RNF144A: variants seen among roughly 807,000 people sequenced by gnomAD.
The protein encoded by RNF144A is ring finger protein 144A.
RNF144A carries 11 observed loss-of-function variants against 38.7 expected under a neutral mutation model. The observed-to-expected ratio is 0.28, with a 90% CI of 0.18 to 0.47. The LOEUF is 0.47. RNF144A is among the 20% of genes least tolerant of loss of function. The pLI is 0.99. For missense variants in RNF144A, 316 were observed against 377.2 expected, an observed-to-expected ratio of 0.84 and a Z score of 1.34; for synonymous variants, 149 against 143.9, an observed-to-expected ratio of 1.04 and a Z score of -0.25.
the RNF144A span, among the ~76,000 whole-genome samples, chr2:7,073,576 A>G: frequency 2.0e-5 from 3 of 152,198 alleles, no homozygotes; most frequent in Non-Finnish European, 4.4e-5. Flanking sequence ...ATGTCTGGCA[A>G]TCTTAGCCTA....
chr2:7,074,957 A>AT, the RNF144A span, among the ~76,000 whole-genome samples: 1 of 152,180 alleles, frequency 6.6e-6, no homozygotes, highest in Non-Finnish European at 1.5e-5. Flanking sequence ...TGACTTGAAA[A>AT]TTTTTAAGTG....
chr2:6,961,333 A>T (rs1338711283), intron 2 of RNF144A, among the ~76,000 whole-genome samples: 1 of 152,132 alleles, frequency 6.6e-6, no homozygotes, highest in African/African-American at 2.4e-5. Flanking sequence ...CAGGAAAAAA[A>T]ATTATTTTCT....
chr2:6,920,914 C>T (rs1664501390), intron 1 of RNF144A, among the ~76,000 whole-genome samples: 2 of 152,196 alleles, frequency 1.3e-5, no homozygotes, highest in African/African-American at 4.8e-5. Context: ...GCGTCTTAAC[C>T]TCCCTGGATG....
chr2:6,991,523 A>T (rs757961362), intron 2 of RNF144A, among the ~76,000 whole-genome samples: 5 of 152,194 alleles, frequency 3.3e-5, no homozygotes, highest in African/African-American at 2.4e-5. Context: ...GCTGATGAGG[A>T]TATACAGAGG....
At chr2:6,984,161 T>C (rs1303614363) in intron 2 of RNF144A, among the ~76,000 whole-genome samples, 1 of 152,210 alleles carries the variant, frequency 6.6e-6, no homozygotes, top group Non-Finnish European at 1.5e-5. Context: ...TCACAAGCTG[T>C]GTATCTTACC....
chr2:7,019,591 C>A (rs1349734899), intron 5 of RNF144A, among the ~76,000 whole-genome samples: 1 of 152,216 alleles, frequency 6.6e-6, no homozygotes, highest in African/African-American at 2.4e-5. Flanking sequence ...TTGCACTGGC[C>A]TGGGAGAGCT....
chr2:6,926,386 G>T (rs1238349361), intron 1 of RNF144A, among the ~76,000 whole-genome samples: 1 of 152,242 alleles, frequency 6.6e-6, no homozygotes, highest in East Asian at 1.9e-4. Context: ...GGTGGTCCTG[G>T]AGGACTGGAC....
At chr2:7,061,841 G>C (rs897844484) in intron 6 of RNF144A, among the ~76,000 whole-genome samples, 9 of 152,188 alleles carry the variant, frequency 5.9e-5, no homozygotes, top group African/African-American at 1.9e-4. Context: ...TTATATGATA[G>C]ACATTACCTA....
At chr2:7,059,722 TGAC>T (rs1455185949) in intron 6 of RNF144A, among the ~76,000 whole-genome samples, 1 of 152,210 alleles carries the variant, frequency 6.6e-6, no homozygotes, top group South Asian at 2.1e-4. Context: ...ACTCTAATGA[TGAC>T]AGATGCTGAG....
At chr2:6,996,752 CA>C (rs3836203) in intron 2 of RNF144A, 163 bp from the exon 3 acceptor site, 12 of 660,088 alleles carry the variant, frequency 1.8e-5, no homozygotes, top group Non-Finnish European at 2.5e-5. Flanking sequence ...GACTCCATCT[CA>C]AAAAAAACCA....
At chr2:7,047,925 C>G (rs1299802120), downstream of RNF144A, among the ~76,000 whole-genome samples, 4 of 152,188 alleles carry the variant, frequency 2.6e-5, no homozygotes, top group Non-Finnish European at 5.9e-5. Context: ...CCCAAGTCTG[C>G]CCTGCGGGGA....
Position 7,024,585 on chromosome 2 carries a change from A to G in RNF144A, c.657+69A>G, listed in dbSNP as rs551889090. The G allele has an allele frequency of 1.1e-4, 164 of 1,539,756 alleles. 3 individuals carry two copies. The South Asian group carries it at 1.8e-3, about 17-fold the overall frequency. ...GGTTTAGATTTGGAATGAGAAAAAT[A>G]GACCAGCTGTTTCCTAAAGAGCTTG... On this transcript the variant is annotated intron_variant, in intron 7 of 8. Coordinates refer to ENST00000320892, the MANE Select transcript of RNF144A (RefSeq NM_014746.6).
chr2:6,972,333 T>C (rs1350899740), intron 2 of RNF144A, among the ~76,000 whole-genome samples: 1 of 152,228 alleles, frequency 6.6e-6, no homozygotes, highest in Non-Finnish European at 1.5e-5. Context: ...GGAGATAACT[T>C]TCCTCCTAGC....
At chr2:6,981,192 C>G (rs1668612145) in intron 2 of RNF144A, among the ~76,000 whole-genome samples, 1 of 152,160 alleles carries the variant, frequency 6.6e-6, no homozygotes, top group Non-Finnish European at 1.5e-5. Flanking sequence ...GAGACATTTT[C>G]CCCCATTGTC....
chr2:6,955,555 A>G (rs1267115161), intron 2 of RNF144A, among the ~76,000 whole-genome samples: 3 of 152,146 alleles, frequency 2.0e-5, no homozygotes, highest in African/African-American at 7.2e-5. Context: ...TTGCTCCTTC[A>G]AGCAAAGCCA....
At position 6,941,723 on chromosome 2, in the gene RNF144A, T is replaced by A. The variant is rs1177350382; in HGVS notation, c.-12+576T>A. ...GGGCAGGTTGCAGTTTTAAGTGGAG[T>A]GGTCAGGGAGGTCTCTAAAGGTGAA... On this transcript the variant is annotated intron_variant, in intron 2 of 8. Coordinates refer to ENST00000320892, the MANE Select transcript of RNF144A (RefSeq NM_014746.6). The surrounding 1 kb of genome is among the most constrained non-coding windows in gnomAD (Gnocchi z 6.5). Among the ~76,000 whole-genome samples, 1 of 151,812 alleles carries A rather than the reference T, an allele frequency of 6.6e-6. No homozygotes were observed. The highest frequency in any genetic ancestry group is 1.5e-5 in the Non-Finnish European group (1 of 67,916).
intron 8 of RNF144A, among the ~76,000 whole-genome samples, chr2:7,030,503 C>T (rs1461066848): frequency 2.0e-5 from 3 of 151,996 alleles, no homozygotes; most frequent in Admixed American, 6.6e-5. Context: ...ATCACTTGCA[C>T]GGGACTCATG....
chr2:6,978,385 A>G (rs1305626269), intron 2 of RNF144A, among the ~76,000 whole-genome samples: 1 of 152,244 alleles, frequency 6.6e-6, no homozygotes, highest in Non-Finnish European at 1.5e-5. Context: ...TCCTGGGAAC[A>G]GACTTCTAGA....
At position 6,953,539 on chromosome 2, in the gene RNF144A, A is replaced by G. The variant is rs147630442; in HGVS notation, c.-12+12392A>G. Among the ~76,000 whole-genome samples, 1,512 of 152,364 alleles carry G rather than the reference A, an allele frequency of 9.9e-3. 12 individuals carry two copies. The highest frequency in any genetic ancestry group is 0.017 in the Non-Finnish European group (1,151 of 68,032). On this transcript the variant is annotated intron_variant, in intron 2 of 8. Coordinates refer to ENST00000320892, the MANE Select transcript of RNF144A (RefSeq NM_014746.6). ...TATTTTTAAAATTACATATTTTTCT[A>G]TAACCCATGAGTTACTGATAAGTCT...
Sources: gnomAD v4.1 joint callset for allele counts (sites outside exome capture counted in the v4.1 genomes callset) on GRCh38, gnomAD v4.1.1 for gene constraint, Gnocchi (gnomAD v3.1) non-coding constraint, MANE v1.5 for transcripts, NCBI Gene and HGNC (gene_info 2026-07-23, HGNC 2026-07-21) for gene names.